FBLN7: variants seen among roughly 807,000 people sequenced by gnomAD.
The protein encoded by FBLN7 is fibulin-7.
Under a neutral mutation model 44.0 loss-of-function variants are expected in FBLN7, and 31 were observed. The ratio of observed to expected loss-of-function variants is 0.70; its 90% CI spans 0.53 to 0.95. The LOEUF (loss-of-function observed/expected upper bound fraction) is 0.95. FBLN7 is among the 40% of genes least tolerant of loss of function. The pLI is 0.00. For missense variants in FBLN7, 573 were observed against 618.5 expected (o/e 0.93, Z 0.78); for synonymous variants, 262 against 253.4 (o/e 1.03, Z -0.32).
At chr2:112,236,927 A>C in the FBLN7 span, among the ~76,000 whole-genome samples, 5 of 152,092 alleles carry the variant, frequency 3.3e-5, no homozygotes, top group African/African-American at 1.2e-4. Context: ...GTGGTGGTGC[A>C]CGCCTGTAGT....
At chr2:112,223,660 C>T in the FBLN7 span, among the ~76,000 whole-genome samples, 1 of 152,184 alleles carries the variant, frequency 6.6e-6, no homozygotes, top group South Asian at 2.1e-4. Flanking sequence ...TGCTAACAAT[C>T]AATCTTTGGG....
intron 3 of FBLN7, among the ~76,000 whole-genome samples, chr2:112,167,024 G>C (rs1682195627): frequency 1.3e-5 from 2 of 152,196 alleles, no homozygotes; most frequent in African/African-American, 4.8e-5. Context: ...CTGGCTTCAG[G>C]CTCGCTTTGA....
chr2:112,167,530 C>G (rs535963627), intron 3 of FBLN7, among the ~76,000 whole-genome samples: 1 of 152,276 alleles, frequency 6.6e-6, no homozygotes, highest in South Asian at 2.1e-4. Context: ...CCTGCCGTGT[C>G]CTAACTTGTG....
chr2:112,234,260 CTAAATG>C, the FBLN7 span: 1 of 1,481,204 alleles, frequency 6.8e-7, no homozygotes, highest in Non-Finnish European at 9.2e-7. Context: ...AACAAAAAAA[CTAAATG>C]TAAGAAACAG....
chr2:112,180,239 G>A (rs1259637384), intron 4 of FBLN7, among the ~76,000 whole-genome samples: 1 of 152,110 alleles, frequency 6.6e-6, no homozygotes, highest in African/African-American at 2.4e-5. Flanking sequence ...GGAAAAAAAA[G>A]CTCCATATCA....
chr2:112,158,388 A>G (rs1681547070), intron 1 of FBLN7, among the ~76,000 whole-genome samples: 1 of 152,088 alleles, frequency 6.6e-6, no homozygotes, highest in Non-Finnish European at 1.5e-5. Flanking sequence ...CACTACAGGC[A>G]TACATCACCG....
Position 112,187,623 on chromosome 2 carries a change from AC to A in FBLN7, c.*120del. The A allele has an allele frequency of 7.0e-7, 1 of 1,420,542 alleles. No individual in the cohort carries two copies. The allele number at this position is 1,420,542 out of a possible 1,614,324, so 88.0% of individuals were successfully genotyped here. A position where few individuals can be genotyped will look rare whatever the true frequency, so the allele number is the denominator to read the frequency against. ...CCTGTTCCCGCCCTCTCACCAGTGCACCCAGGCTTCTAGGGCAGCGTTGCAC... is the reference window on the plus strand; with the variant it reads ...CCTGTTCCCGCCCTCTCACCAGTGCACCAGGCTTCTAGGGCAGCGTTGCAC... On this transcript the variant is annotated 3_prime_UTR_variant, in exon 8 of 8. Coordinates refer to ENST00000331203, the MANE Select transcript of FBLN7 (RefSeq NM_153214.3). This position sits in a 1 kb window ranked among gnomAD's most constrained non-coding sequence, Gnocchi z 5.1.
chr2:112,218,754 T>C, the FBLN7 span, among the ~76,000 whole-genome samples: 1 of 152,238 alleles, frequency 6.6e-6, no homozygotes, highest in East Asian at 1.9e-4. Context: ...AACAGTAGGC[T>C]ATTATTAGTT....
chr2:112,187,796 A>C lies in FBLN7; in HGVS notation c.*290A>C. On this transcript the variant is annotated 3_prime_UTR_variant, in exon 8 of 8. Coordinates refer to ENST00000331203, the MANE Select transcript of FBLN7 (RefSeq NM_153214.3). The surrounding 1 kb of genome is among the most constrained non-coding windows in gnomAD (Gnocchi z 5.1). ...CATCCAGGGGATGGGTGGCTTTCCA[A>C]AATGCTGTGCAAATGGCCTTGTGAG... The C allele has an allele frequency of 1.9e-6, 1 of 513,360 alleles. No homozygotes were observed. 31.8% of individuals were successfully genotyped at this position (513,360 alleles called of 1,614,324 possible).
At chr2:112,218,802 G>T in the FBLN7 span, among the ~76,000 whole-genome samples, 1 of 152,046 alleles carries the variant, frequency 6.6e-6, no homozygotes, top group South Asian at 2.1e-4. Flanking sequence ...GCAGATTTTT[G>T]ACTGCATCTA....
rs1680458287 is a variant in FBLN7 at position 112,138,526 on chromosome 2, C to CT, written c.-129dup. ...CGCTCGGGGCCTCCCGCCTCCCCCC[C>CT]TGCCCCAGCCGCCCCCCGGCCGCGC... On this transcript the variant is annotated 5_prime_UTR_variant, in exon 1 of 8. Coordinates refer to ENST00000331203, the MANE Select transcript of FBLN7 (RefSeq NM_153214.3). The CT allele has an allele frequency of 3.8e-6, 5 of 1,326,150 alleles. No individual in the cohort carries two copies. The highest frequency in any genetic ancestry group is 5.1e-6 in the Non-Finnish European group (5 of 978,376). The allele number at this position is 1,326,150 out of a possible 1,614,324, so 82.1% of individuals were successfully genotyped here. A position where few individuals can be genotyped will look rare whatever the true frequency, so the allele number is the denominator to read the frequency against.
the FBLN7 span, among the ~76,000 whole-genome samples, chr2:112,232,606 G>A: frequency 4.6e-5 from 7 of 151,954 alleles, no homozygotes; most frequent in African/African-American, 1.7e-4. Flanking sequence ...AGTCAACAAC[G>A]ACATATCTTA....
intron 1 of FBLN7, among the ~76,000 whole-genome samples, chr2:112,143,910 G>C (rs1680772959): frequency 6.6e-6 from 1 of 152,152 alleles, no homozygotes; most frequent in Non-Finnish European, 1.5e-5. Flanking sequence ...ATGGAAAAGA[G>C]TACATGGCCT....
chr2:112,196,469 G>A, the FBLN7 span, among the ~76,000 whole-genome samples: 2 of 136,892 alleles, frequency 1.5e-5, no homozygotes, highest in East Asian at 2.2e-4. Context: ...GCAGTGGCAT[G>A]TTCTCATGCC....
chr2:112,190,703 T>C (rs1375480415), downstream of FBLN7: 1 of 152,184 alleles, frequency 6.6e-6, no homozygotes, highest in Non-Finnish European at 1.5e-5. Flanking sequence ...ATGACCCTAG[T>C]AGTCTTTTTC....
At chr2:112,175,918 A>G in intron 4 of FBLN7, 79 bp downstream of exon 4, 3 of 1,548,508 alleles carry the variant, frequency 1.9e-6, no homozygotes, top group Non-Finnish European at 2.6e-6. Flanking sequence ...CCCCAAATGC[A>G]GACATGTAGG....
chr2:112,223,364 G>A, the FBLN7 span, among the ~76,000 whole-genome samples: 1 of 151,700 alleles, frequency 6.6e-6, no homozygotes, highest in African/African-American at 2.4e-5. Context: ...CAAATTTCTA[G>A]AAACACACAA....
intron 1 of FBLN7, among the ~76,000 whole-genome samples, chr2:112,141,006 C>T (rs1184586690): frequency 6.6e-6 from 1 of 152,214 alleles, no homozygotes; most frequent in Non-Finnish European, 1.5e-5. Context: ...AAGGCGAGAA[C>T]TTGAATTGCC....
chr2:112,196,609 G>GTATCAAAGGT, the FBLN7 span, among the ~76,000 whole-genome samples: 2 of 151,962 alleles, frequency 1.3e-5, no homozygotes, highest in Non-Finnish European at 2.9e-5. Context: ...AGAATGGCCT[G>GTATCAAAGGT]TATCAAAGGT....
Sources: allele counts gnomAD v4.1 joint callset (sites outside exome capture counted in the v4.1 genomes callset), GRCh38; gene constraint gnomAD v4.1.1; non-coding constraint Gnocchi (gnomAD v3.1); transcripts MANE v1.5; gene names NCBI Gene and HGNC (gene_info 2026-07-23, HGNC 2026-07-21).